The following IL1RAPL1 variants were observed in gnomAD, a reference collection of about 807,000 sequenced individuals.
IL1RAPL1 encodes the protein interleukin-1 receptor accessory protein-like 1.
Under a neutral mutation model 48.4 loss-of-function variants are expected in IL1RAPL1, and 3 were observed. That is an observed-to-expected ratio of 0.06 (90% CI 0.03 to 0.16). The LOEUF (loss-of-function observed/expected upper bound fraction) is 0.16. IL1RAPL1 is among the 10% of genes least tolerant of loss of function. IL1RAPL1 has a pLI of 1.00. For synonymous variants in IL1RAPL1, 185 were observed against 187.7 expected (o/e 0.99, Z 0.12); for missense variants, 349 against 530.6 (o/e 0.66, Z 3.36).
At chrX:29,127,410 A>G (rs967328912) in intron 2 of IL1RAPL1, among the ~76,000 whole-genome samples, 15 of 111,847 alleles carry the variant, frequency 1.3e-4, no homozygotes, top group African/African-American at 4.9e-4. Context: ...CCACACTTTG[A>G]GAATCCCTGC....
chrX:29,519,703 GTCT>G (rs1179037126), intron 5 of IL1RAPL1, among the ~76,000 whole-genome samples: 3 of 111,420 alleles, frequency 2.7e-5, no homozygotes, highest in African/African-American at 9.8e-5. Context: ...AGAAAACCAT[GTCT>G]TCACTGATCT....
intron 2 of IL1RAPL1, among the ~76,000 whole-genome samples, chrX:29,232,060 G>A (rs750227404): frequency 1.5e-4 from 17 of 110,816 alleles, no homozygotes; most frequent in Non-Finnish European, 3.2e-4. Flanking sequence ...TCTTAATGTC[G>A]GCTTTATGGT....
intron 5 of IL1RAPL1, among the ~76,000 whole-genome samples, chrX:29,580,673 C>T (rs1020825452): frequency 1.8e-5 from 2 of 111,726 alleles, no homozygotes; most frequent in Non-Finnish European, 3.8e-5. Context: ...TGTCATATAA[C>T]TCATTCTCTT....
Position 29,761,538 on chromosome X carries a change from C to T in IL1RAPL1, c.778+93034C>T, listed in dbSNP as rs781022453. On this transcript the variant is annotated intron_variant, in intron 6 of 10. Coordinates refer to ENST00000378993, the MANE Select transcript of IL1RAPL1 (RefSeq NM_014271.4). Reference sequence around the variant, plus strand: ...GTAATTATCAGAACTATTGTTATAACTTAACCCATTTGTGCTGCAATTGCT... The same window carrying T: ...GTAATTATCAGAACTATTGTTATAATTTAACCCATTTGTGCTGCAATTGCT... Among the ~76,000 whole-genome samples, 5 of 111,938 alleles carry T rather than the reference C, an allele frequency of 4.5e-5. No individual in the cohort carries two copies. In the East Asian group the frequency reaches 8.4e-4, roughly 19 times the overall value.
chrX:29,847,240 A>C, intron 6 of IL1RAPL1, among the ~76,000 whole-genome samples: 1 of 111,817 alleles, frequency 8.9e-6, no homozygotes, highest in Non-Finnish European at 1.9e-5. Flanking sequence ...TGCTTATAGA[A>C]AACATTGCTT....
intron 6 of IL1RAPL1, among the ~76,000 whole-genome samples, chrX:29,906,463 ATAT>A (rs1932625280): frequency 0.019 from 4 of 209 alleles, no homozygotes; most frequent in Non-Finnish European, 0.032. Context: ...CTTTGTAAAT[ATAT>A]ATATATATAT....
chrX:29,789,804 A>G (rs1451596779), intron 6 of IL1RAPL1, among the ~76,000 whole-genome samples: 1 of 103,109 alleles, frequency 9.7e-6, no homozygotes, highest in Admixed American at 1.1e-4. Flanking sequence ...TTTTTATCTC[A>G]AAGTGTTCTT....
At chrX:29,823,526 T>C (rs1481350006) in intron 6 of IL1RAPL1, among the ~76,000 whole-genome samples, 2 of 112,252 alleles carry the variant, frequency 1.8e-5, no homozygotes, top group African/African-American at 6.5e-5. Context: ...TTGCGGAAAC[T>C]GAAAGCATGT....
chrX:29,054,281 C>G (rs1298398971), intron 2 of IL1RAPL1, among the ~76,000 whole-genome samples: 3 of 110,991 alleles, frequency 2.7e-5, no homozygotes, highest in Non-Finnish European at 5.7e-5. Context: ...AATTGCTATT[C>G]CCTCTTTTTG....
chrX:29,359,845 C>T (rs1482288573), intron 3 of IL1RAPL1, among the ~76,000 whole-genome samples: 1 of 111,365 alleles, frequency 9.0e-6, no homozygotes, highest in African/African-American at 3.3e-5. Flanking sequence ...GTACCTTCTG[C>T]CTGAAGGTGA....
At chrX:29,142,336 T>G (rs1241959154) in intron 2 of IL1RAPL1, among the ~76,000 whole-genome samples, 3 of 111,740 alleles carry the variant, frequency 2.7e-5, no homozygotes, top group African/African-American at 6.5e-5. Flanking sequence ...AAACCCAAAT[T>G]GAGTTACATG....
chrX:29,432,475 A>G (rs2068005189), intron 5 of IL1RAPL1, among the ~76,000 whole-genome samples: 1 of 111,358 alleles, frequency 9.0e-6, no homozygotes, highest in Admixed American at 9.6e-5. Context: ...AACTCTCCCT[A>G]CACAAAGTCC....
At chrX:28,602,294 T>C (rs1045713784) in intron 1 of IL1RAPL1, among the ~76,000 whole-genome samples, 2 of 111,763 alleles carry the variant, frequency 1.8e-5, no homozygotes, top group Non-Finnish European at 3.8e-5. Flanking sequence ...AGCTGTTTTT[T>C]CATTAAATAT....
chrX:28,866,829 A>G (rs769722800), intron 2 of IL1RAPL1, among the ~76,000 whole-genome samples: 20 of 112,081 alleles, frequency 1.8e-4, no homozygotes, highest in Non-Finnish European at 3.2e-4. Context: ...TATATGTTAT[A>G]CAGTAGATGT....
chrX:29,344,627 GTT>G (rs968287631), intron 3 of IL1RAPL1, among the ~76,000 whole-genome samples: 1 of 110,695 alleles, frequency 9.0e-6, no homozygotes, highest in Non-Finnish European at 1.9e-5. Context: ...AGGTAACCAT[GTT>G]TTTTTTGTTT....
At chrX:28,919,511 G>A (rs751142526) in intron 2 of IL1RAPL1, among the ~76,000 whole-genome samples, 29 of 112,124 alleles carry the variant, frequency 2.6e-4, no homozygotes, top group African/African-American at 8.7e-4. Context: ...TTTTTTTAAA[G>A]CATGGGCTTT....
chrX:29,447,351 C>T (rs1934624421), intron 5 of IL1RAPL1, among the ~76,000 whole-genome samples: 1 of 107,794 alleles, frequency 9.3e-6, no homozygotes, highest in African/African-American at 3.4e-5. Context: ...ATGTTTCATT[C>T]ATTGCTTTCC....
intron 5 of IL1RAPL1, among the ~76,000 whole-genome samples, chrX:29,646,441 G>A (rs1195471797): frequency 9.0e-5 from 10 of 111,462 alleles, no homozygotes; most frequent in African/African-American, 3.3e-4. Context: ...AATGAAGAAA[G>A]CTTACTTTGG....
At chrX:29,505,736 G>T (rs1935320696) in intron 5 of IL1RAPL1, among the ~76,000 whole-genome samples, 1 of 111,421 alleles carries the variant, frequency 9.0e-6, no homozygotes, top group South Asian at 3.7e-4. Context: ...TGGGTCGAAT[G>T]TATTTTGTGT....
Sources: gnomAD v4.1 joint callset for allele counts (sites outside exome capture counted in the v4.1 genomes callset) on GRCh38, gnomAD v4.1.1 for gene constraint, MANE v1.5 for transcripts, NCBI Gene and HGNC (gene_info 2026-07-23, HGNC 2026-07-21) for gene names.